The following ELMO1 variants were observed in gnomAD, a reference collection of about 807,000 sequenced individuals.
ELMO1 encodes the protein engulfment and cell motility protein 1.
In ELMO1, 26 loss-of-function variants were observed where a neutral mutation model predicts 98.9. The observed-to-expected ratio is 0.26, with a 90% confidence interval of 0.19 to 0.36. The LOEUF (loss-of-function observed/expected upper bound fraction) is 0.36. Among genes scored for constraint, ELMO1 ranks in the 10% least tolerant of loss-of-function variants. ELMO1 has a pLI of 1.00. For missense variants in ELMO1, 627 were observed against 935.2 expected, an observed-to-expected ratio of 0.67 and a Z score of 4.30; for synonymous variants, 346 against 346.0, an observed-to-expected ratio of 1.00 and a Z score of 0.00.
At chr7:37,255,946 T>G (rs948232374) in intron 6 of ELMO1, among the ~76,000 whole-genome samples, 6 of 152,156 alleles carry the variant, frequency 3.9e-5, no homozygotes, top group Non-Finnish European at 7.4e-5. Context: ...CATGAAGTAA[T>G]CCAGTGATGA....
At chr7:37,223,697 G>C (rs1196180305) in intron 9 of ELMO1, among the ~76,000 whole-genome samples, 1 of 152,156 alleles carries the variant, frequency 6.6e-6, no homozygotes, top group Non-Finnish European at 1.5e-5. Flanking sequence ...CTTATTTCTA[G>C]AGAAGCTACC....
At chr7:37,070,713 C>CTTT (rs915843824) in intron 15 of ELMO1, among the ~76,000 whole-genome samples, 1 of 152,150 alleles carries the variant, frequency 6.6e-6, no homozygotes, top group Non-Finnish European at 1.5e-5. Context: ...TGGGTACCAG[C>CTTT]TTTACTCTGT....
chr7:37,145,678 G>A (rs1787935606), intron 13 of ELMO1, among the ~76,000 whole-genome samples: 1 of 152,208 alleles, frequency 6.6e-6, no homozygotes, highest in Non-Finnish European at 1.5e-5. Flanking sequence ...AAGAGATGAT[G>A]ATAACAATGC....
rs1225829842 is a variant in ELMO1, at chr7:37,192,037, A to T, written c.1086+19349T>A. On this transcript the variant is annotated intron_variant, in intron 13 of 21. Coordinates refer to ENST00000310758, the MANE Select transcript of ELMO1 (RefSeq NM_014800.11). ...TCAGTCTCCACTGTGTAAAGGACAG[A>T]GTTCACAGAAGAAGAAGAAAGATGC... is the stretch of plus-strand genomic sequence containing the variant. 2.0e-5 allele frequency among the ~76,000 whole-genome samples: 3 copies of T among 152,248 alleles called. No homozygotes were observed. In the South Asian group the frequency reaches 6.2e-4, roughly 31 times the overall value.
intron 1 of ELMO1, among the ~76,000 whole-genome samples, chr7:37,393,326 A>G (rs1803161357): frequency 6.6e-6 from 1 of 152,212 alleles, no homozygotes; most frequent in South Asian, 2.1e-4. Flanking sequence ...CCACACAAGC[A>G]TTCAAATCAG....
At chr7:37,440,920 T>C (rs958086455) in intron 1 of ELMO1, among the ~76,000 whole-genome samples, 11 of 152,018 alleles carry the variant, frequency 7.2e-5, no homozygotes, top group African/African-American at 2.7e-4. Flanking sequence ...CCACTAGCTC[T>C]ACCTCCCAAG....
intron 5 of ELMO1, among the ~76,000 whole-genome samples, chr7:37,267,284 C>T (rs1796314232): frequency 6.6e-6 from 1 of 152,118 alleles, no homozygotes; most frequent in Non-Finnish European, 1.5e-5. Flanking sequence ...TTTAGGGATA[C>T]CTCCTCGGCA....
intron 16 of ELMO1, among the ~76,000 whole-genome samples, chr7:36,917,125 A>G (rs1584366132): frequency 6.6e-6 from 1 of 152,372 alleles, no homozygotes; most frequent in East Asian, 1.9e-4. Context: ...CTTTTAAAAT[A>G]TGAATAACAT....
intron 16 of ELMO1, among the ~76,000 whole-genome samples, chr7:36,997,638 C>T (rs139601686): frequency 4.6e-5 from 7 of 152,210 alleles, no homozygotes; most frequent in African/African-American, 7.2e-5. Context: ...TTGGACATCC[C>T]GAGTTTGAGG....
At chr7:36,909,004 G>C (rs1158976343) in intron 16 of ELMO1, among the ~76,000 whole-genome samples, 1 of 152,026 alleles carries the variant, frequency 6.6e-6, no homozygotes, top group Non-Finnish European at 1.5e-5. Context: ...CAAGTCTCAG[G>C]GCATTTATAC....
At chr7:36,889,392 G>A (rs1213910351) in intron 17 of ELMO1, among the ~76,000 whole-genome samples, 1 of 149,892 alleles carries the variant, frequency 6.7e-6, no homozygotes, top group Admixed American at 6.6e-5. Flanking sequence ...CAGCTTTGAA[G>A]AACCCTGCAC....
At chr7:37,259,140 C>T in intron 6 of ELMO1, 41 bp downstream of exon 6, 1 of 1,569,988 alleles carries the variant, frequency 6.4e-7, no homozygotes, top group South Asian at 1.2e-5. Flanking sequence ...AACGCGGAGA[C>T]ACGCAGGACA....
chr7:36,921,085 A>G (rs554432234), intron 16 of ELMO1, among the ~76,000 whole-genome samples: 11 of 152,268 alleles, frequency 7.2e-5, no homozygotes, highest in African/African-American at 2.4e-4. Flanking sequence ...AGAAGGCATC[A>G]TCTATGGAGC....
intron 7 of ELMO1, among the ~76,000 whole-genome samples, chr7:37,236,338 C>G (rs950024738): frequency 4.6e-5 from 7 of 152,160 alleles, no homozygotes; most frequent in African/African-American, 1.7e-4. Flanking sequence ...TAAGGAGGTG[C>G]AGCACCATTT....
At chr7:37,423,725 G>A (rs963628889) in intron 1 of ELMO1, among the ~76,000 whole-genome samples, 1 of 152,046 alleles carries the variant, frequency 6.6e-6, no homozygotes, top group Non-Finnish European at 1.5e-5. Flanking sequence ...AGGCTTTATG[G>A]ATCATACCAA....
At chr7:37,308,447 G>C (rs992690389) in intron 4 of ELMO1, among the ~76,000 whole-genome samples, 2 of 152,142 alleles carry the variant, frequency 1.3e-5, no homozygotes, top group African/African-American at 4.8e-5. Context: ...CATCAATCTA[G>C]CCCACTTTAA....
intron 16 of ELMO1, among the ~76,000 whole-genome samples, chr7:36,956,010 T>C (rs990390870): frequency 2.0e-5 from 3 of 152,194 alleles, no homozygotes; most frequent in African/African-American, 7.2e-5. Flanking sequence ...CTTTAGAAGA[T>C]CCCTTTTTCA....
At chr7:37,039,660 G>GA (rs1274542049) in intron 15 of ELMO1, among the ~76,000 whole-genome samples, 1 of 152,194 alleles carries the variant, frequency 6.6e-6, no homozygotes, top group Non-Finnish European at 1.5e-5. Flanking sequence ...CTCCTCAGGG[G>GA]AAAATTTTCT....
intron 13 of ELMO1, among the ~76,000 whole-genome samples, chr7:37,153,904 G>A (rs1012582338): frequency 2.0e-5 from 3 of 152,140 alleles, no homozygotes; most frequent in Non-Finnish European, 4.4e-5. Flanking sequence ...CTCCCAGTAG[G>A]AGCAGACAGA....
Sources: gnomAD v4.1 joint callset for allele counts (sites outside exome capture counted in the v4.1 genomes callset) on GRCh38, gnomAD v4.1.1 for gene constraint, MANE v1.5 for transcripts, NCBI Gene and HGNC (gene_info 2026-07-23, HGNC 2026-07-21) for gene names.